Variants in PPP3CC observed in about 807,000 individuals in gnomAD.
The protein encoded by PPP3CC is protein phosphatase 3 catalytic subunit gamma.
Under a neutral mutation model 60.3 loss-of-function variants are expected in PPP3CC, and 35 were observed. The ratio of observed to expected loss-of-function variants is 0.58; its 90% CI spans 0.44 to 0.77. The LOEUF is 0.77. PPP3CC is among the 30% of genes least tolerant of loss of function. The pLI is 0.00. For missense variants in PPP3CC, 570 were observed against 628.9 expected (o/e 0.91, Z 1.00); for synonymous variants, 206 against 224.3 (o/e 0.92, Z 0.73).
rs181191124 is a variant in PPP3CC at position 22,468,168 on chromosome 8, A to G, written c.50-6786A>G. Among the ~76,000 whole-genome samples, 78 of 152,162 alleles carry G rather than the reference A, an allele frequency of 5.1e-4. 2 individuals carry two copies. The East Asian group carries it at 0.015, about 29-fold the overall frequency. ...GCCCAGGCTGGAGTGCAGTGGTGCA[A>G]TCTCGGCTCACTGCAACCTCTGCCT... On this transcript the variant is annotated intron_variant, in intron 1 of 13. Coordinates refer to ENST00000240139, the MANE Select transcript of PPP3CC (RefSeq NM_005605.5).
At chr8:22,496,542 G>A (rs1313895821) in intron 3 of PPP3CC, among the ~76,000 whole-genome samples, 11 of 114,424 alleles carry the variant, frequency 9.6e-5, no homozygotes, top group African/African-American at 3.6e-4. Flanking sequence ...CTGTCACCCA[G>A]GCTGGAGTGC....
At chr8:22,472,545 A>T (rs1337280743) in intron 1 of PPP3CC, among the ~76,000 whole-genome samples, 1 of 152,072 alleles carries the variant, frequency 6.6e-6, no homozygotes, top group African/African-American at 2.4e-5. Context: ...CTTCTTCTGG[A>T]AGTCCTCCTG....
At chr8:22,460,288 A>G (rs1297997432) in intron 1 of PPP3CC, among the ~76,000 whole-genome samples, 1 of 152,184 alleles carries the variant, frequency 6.6e-6, no homozygotes, top group East Asian at 1.9e-4. Flanking sequence ...AATACTTGAT[A>G]CTACATGGAT....
chr8:22,524,305 TTACTC>T (rs1839482903), intron 8 of PPP3CC, among the ~76,000 whole-genome samples: 1 of 152,174 alleles, frequency 6.6e-6, no homozygotes, highest in Admixed American at 6.5e-5. Flanking sequence ...TAATTAATAT[TTACTC>T]TATTTAAAAG....
chr8:22,523,391 GATTA>G (rs1839460462), intron 8 of PPP3CC, among the ~76,000 whole-genome samples: 2 of 151,932 alleles, frequency 1.3e-5, no homozygotes, highest in African/African-American at 2.4e-5. Context: ...AAACTTTTAT[GATTA>G]ATAGTTTATA....
chr8:22,501,717 A>G (rs1838767708), intron 4 of PPP3CC, among the ~76,000 whole-genome samples: 2 of 152,148 alleles, frequency 1.3e-5, no homozygotes, highest in South Asian at 4.2e-4. Flanking sequence ...AGTTTTTAAA[A>G]GGCTCACCTT....
intron 1 of PPP3CC, among the ~76,000 whole-genome samples, chr8:22,463,478 G>A (rs767069853): frequency 8.5e-5 from 13 of 152,110 alleles, no homozygotes; most frequent in African/African-American, 2.2e-4. Context: ...AGGAAGAAGC[G>A]GAAACCACCT....
intron 1 of PPP3CC, among the ~76,000 whole-genome samples, chr8:22,442,123 G>C (rs1836690650): frequency 6.6e-6 from 1 of 152,064 alleles, no homozygotes; most frequent in African/African-American, 2.4e-5. Context: ...AAATGTAAAG[G>C]GCTCTTTGCT....
At chr8:22,527,587 C>T in intron 9 of PPP3CC, 70 bp downstream of exon 9, 2 of 1,509,314 alleles carry the variant, frequency 1.3e-6, no homozygotes, top group Admixed American at 2.0e-5. Context: ...TGCATGAGCC[C>T]CTCCATGATT....
chr8:22,476,201 T>C (rs547974710), intron 3 of PPP3CC, among the ~76,000 whole-genome samples: 8 of 152,336 alleles, frequency 5.3e-5, no homozygotes, highest in Non-Finnish European at 1.0e-4. Context: ...GAAGCTTTAA[T>C]GTGTAAAAGA....
At chr8:22,453,779 A>G (rs1837106906) in intron 1 of PPP3CC, among the ~76,000 whole-genome samples, 1 of 152,242 alleles carries the variant, frequency 6.6e-6, no homozygotes, top group Non-Finnish European at 1.5e-5. Flanking sequence ...ACTGTAGGCA[A>G]CTGTAACACA....
chr8:22,473,002 A>T (rs764672309), intron 1 of PPP3CC, among the ~76,000 whole-genome samples: 1 of 152,172 alleles, frequency 6.6e-6, no homozygotes, highest in African/African-American at 2.4e-5. Flanking sequence ...AACTGTATTT[A>T]GCTATTTTAG....
chr8:22,497,660 G>A (rs1838630940), intron 3 of PPP3CC, among the ~76,000 whole-genome samples: 1 of 152,170 alleles, frequency 6.6e-6, no homozygotes, highest in Non-Finnish European at 1.5e-5. Context: ...AACAGTAGCA[G>A]AGATAGTAAA....
chr8:22,465,881 T>C (rs1000687385), intron 1 of PPP3CC, among the ~76,000 whole-genome samples: 2 of 152,142 alleles, frequency 1.3e-5, no homozygotes, highest in Non-Finnish European at 2.9e-5. Context: ...GTACATGTGC[T>C]CAACATGCAG....
intron 4 of PPP3CC, among the ~76,000 whole-genome samples, chr8:22,509,400 C>T (rs781151484): frequency 1.3e-5 from 2 of 152,214 alleles, no homozygotes; most frequent in Non-Finnish European, 2.9e-5. Flanking sequence ...ACCTCATCTT[C>T]CCAGAATCCT....
At chr8:22,537,563 C>T (rs1839871622) in intron 12 of PPP3CC, among the ~76,000 whole-genome samples, 1 of 152,134 alleles carries the variant, frequency 6.6e-6, no homozygotes, top group South Asian at 2.1e-4. Flanking sequence ...TAGCTACATA[C>T]CCCACAAAGA....
chr8:22,490,073 T>G (rs1838354089), intron 3 of PPP3CC, among the ~76,000 whole-genome samples: 1 of 151,950 alleles, frequency 6.6e-6, no homozygotes, highest in South Asian at 2.1e-4. Context: ...TCTACCCACC[T>G]TGGCCTCCCA....
intron 1 of PPP3CC, among the ~76,000 whole-genome samples, chr8:22,464,036 C>T (rs908046686): frequency 2.6e-5 from 4 of 152,106 alleles, no homozygotes; most frequent in Non-Finnish European, 5.9e-5. Flanking sequence ...GATCTGCCTA[C>T]CTCGGCCTCC....
chr8:22,529,494 C>CT (rs1370418279), intron 10 of PPP3CC, among the ~76,000 whole-genome samples: 2 of 151,884 alleles, frequency 1.3e-5, no homozygotes, highest in African/African-American at 2.4e-5. Context: ...ATCTTCTATC[C>CT]TTTTTTTGAG....
Sources: gnomAD v4.1 joint callset for allele counts (sites outside exome capture counted in the v4.1 genomes callset) on GRCh38, gnomAD v4.1.1 for gene constraint, MANE v1.5 for transcripts, NCBI Gene and HGNC (gene_info 2026-07-23, HGNC 2026-07-21) for gene names.